Variants in TMEM132B observed in about 807,000 individuals in gnomAD.
TMEM132B encodes the protein transmembrane protein 132B.
TMEM132B carries 18 observed loss-of-function variants against 90.8 expected under a neutral mutation model. The ratio of observed to expected loss-of-function variants is 0.20; its 90% CI spans 0.14 to 0.29. TMEM132B has a LOEUF of 0.29. Ranked by LOEUF, TMEM132B falls within the 10% of genes least tolerant of loss-of-function variation. The pLI is 1.00. For missense variants in TMEM132B, 1,096 were observed against 1,326.8 expected (o/e 0.83, Z 2.70); for synonymous variants, 504 against 523.3 (o/e 0.96, Z 0.50).
chr12:125,544,594 C>A (rs761468994), intron 4 of TMEM132B, among the ~76,000 whole-genome samples: 2 of 152,058 alleles, frequency 1.3e-5, no homozygotes, highest in Non-Finnish European at 1.5e-5. Flanking sequence ...AAGAGTAGAC[C>A]TCAAAAAACA....
intron 1 of TMEM132B, among the ~76,000 whole-genome samples, chr12:125,297,395 G>A (rs1172339666): frequency 6.6e-6 from 1 of 152,222 alleles, no homozygotes; most frequent in African/African-American, 2.4e-5. Flanking sequence ...CTCCTGGGGT[G>A]CCCTGTGTGG....
At chr12:125,383,350 A>G (rs1878738357) in intron 2 of TMEM132B, among the ~76,000 whole-genome samples, 1 of 152,316 alleles carries the variant, frequency 6.6e-6, no homozygotes, top group African/African-American at 2.4e-5. Flanking sequence ...TGATTGATAC[A>G]TATTTTTTGG....
intron 4 of TMEM132B, among the ~76,000 whole-genome samples, chr12:125,555,562 T>C (rs1037175414): frequency 1.5e-4 from 16 of 108,022 alleles, no homozygotes; most frequent in South Asian, 1.1e-3. Context: ...AAGGGCCTGT[T>C]GTGGGGTGGG....
At chr12:125,603,957 C>T (rs369950737) in intron 5 of TMEM132B, among the ~76,000 whole-genome samples, 15 of 151,040 alleles carry the variant, frequency 9.9e-5, no homozygotes, top group Admixed American at 2.0e-4. Flanking sequence ...TGGAGACTGG[C>T]GAGGCTGTGA....
chr12:125,284,814 A>G (rs1323148865), intron 1 of TMEM132B, among the ~76,000 whole-genome samples: 1 of 152,206 alleles, frequency 6.6e-6, no homozygotes, highest in Non-Finnish European at 1.5e-5. Flanking sequence ...GGCCATATTC[A>G]GGTGCACGAA....
chr12:125,560,731 A>G (rs1884502048), intron 4 of TMEM132B, among the ~76,000 whole-genome samples: 1 of 146,428 alleles, frequency 6.8e-6, no homozygotes, highest in Middle Eastern at 3.7e-3. Flanking sequence ...AGGCTGAGGC[A>G]GGACAATGGC....
At chr12:125,401,704 C>A (rs1879326708) in intron 2 of TMEM132B, among the ~76,000 whole-genome samples, 1 of 152,100 alleles carries the variant, frequency 6.6e-6, no homozygotes. Context: ...ATGAGCATTG[C>A]AATTCAAAGC....
chr12:125,464,557 C>A (rs1414450201), intron 3 of TMEM132B, among the ~76,000 whole-genome samples: 1 of 152,176 alleles, frequency 6.6e-6, no homozygotes, highest in Admixed American at 6.5e-5. Flanking sequence ...CACCCTGGTA[C>A]ACACAGCATC....
At chr12:125,214,411 C>T (rs1873388019) in intron 1 of TMEM132B, among the ~76,000 whole-genome samples, 1 of 152,228 alleles carries the variant, frequency 6.6e-6, no homozygotes, top group Non-Finnish European at 1.5e-5. Context: ...GAGAACACCT[C>T]TTTCCTGATG....
At chr12:125,318,318 CTT>C (rs530048970) in intron 1 of TMEM132B, among the ~76,000 whole-genome samples, 3 of 125,686 alleles carry the variant, frequency 2.4e-5, no homozygotes, top group Admixed American at 8.3e-5. Flanking sequence ...TTCTTTCTTT[CTT>C]TTTTTTTTTT....
At chr12:125,581,235 T>C (rs1276589099) in intron 4 of TMEM132B, among the ~76,000 whole-genome samples, 1 of 152,206 alleles carries the variant, frequency 6.6e-6, no homozygotes, top group Non-Finnish European at 1.5e-5. Flanking sequence ...GATTGATGTT[T>C]AACCTTTTCT....
chr12:125,609,887 C>T (rs1885784883), intron 5 of TMEM132B, among the ~76,000 whole-genome samples: 1 of 136,222 alleles, frequency 7.3e-6, no homozygotes, highest in African/African-American at 2.7e-5. Context: ...GGTGTATTTT[C>T]ATTTGCTTAT....
intron 3 of TMEM132B, among the ~76,000 whole-genome samples, chr12:125,450,507 TAGGAG>T (rs553207965): frequency 7.2e-4 from 109 of 152,302 alleles, no homozygotes; most frequent in Middle Eastern, 3.4e-3. Flanking sequence ...TAAATCGTGA[TAGGAG>T]AGTGACTTTT....
intron 3 of TMEM132B, among the ~76,000 whole-genome samples, chr12:125,467,287 G>C (rs1881588587): frequency 6.6e-6 from 1 of 152,178 alleles, no homozygotes; most frequent in Non-Finnish European, 1.5e-5. Context: ...TGGGGAAGTG[G>C]TGAAGCAAAG....
At chr12:125,405,907 A>G (rs189724133) in intron 2 of TMEM132B, among the ~76,000 whole-genome samples, 1 of 152,318 alleles carries the variant, frequency 6.6e-6, no homozygotes. Flanking sequence ...TAGGATGCAC[A>G]TGGCTGCTGG....
At chr12:125,365,729 C>G (rs1878112446) in intron 2 of TMEM132B, among the ~76,000 whole-genome samples, 1 of 151,642 alleles carries the variant, frequency 6.6e-6, no homozygotes, top group Non-Finnish European at 1.5e-5. Context: ...TATTGTTCTA[C>G]TTGATTTAAA....
At chr12:125,338,782 C>A (rs1877067124) in intron 1 of TMEM132B, among the ~76,000 whole-genome samples, 1 of 152,208 alleles carries the variant, frequency 6.6e-6, no homozygotes, top group Non-Finnish European at 1.5e-5. Context: ...TTGCAGATAT[C>A]CTCCCTCCAT....
At chr12:125,320,209 G>T (rs326386) in intron 1 of TMEM132B, among the ~76,000 whole-genome samples, 1 of 152,064 alleles carries the variant, frequency 6.6e-6, no homozygotes, top group Non-Finnish European at 1.5e-5. Flanking sequence ...GCCCAGCTGG[G>T]GAGGAGGTCT....
At chr12:125,211,485 C>T (rs1304042625) in intron 1 of TMEM132B, among the ~76,000 whole-genome samples, 1 of 152,196 alleles carries the variant, frequency 6.6e-6, no homozygotes, top group African/African-American at 2.4e-5. Flanking sequence ...GAGGCTGCTC[C>T]GAGCAGACCA....
Sources: allele counts gnomAD v4.1 joint callset (sites outside exome capture counted in the v4.1 genomes callset), GRCh38; gene constraint gnomAD v4.1.1; transcripts MANE v1.5; gene names NCBI Gene and HGNC (gene_info 2026-07-23, HGNC 2026-07-21).